SHCBP1: variants seen among roughly 807,000 people sequenced by gnomAD.
SHCBP1 encodes SHC binding and spindle associated 1.
In SHCBP1, 60 loss-of-function variants were observed where a neutral mutation model predicts 75.1. The observed-to-expected ratio is 0.80, with a 90% CI of 0.65 to 0.99. The LOEUF is 0.99. SHCBP1 is among the 50% of genes least tolerant of loss of function. The probability of loss-of-function intolerance (pLI) is 0.00; values close to 1 mark genes in which losing one functional copy is unlikely to be tolerated. For synonymous variants in SHCBP1, 290 were observed against 293.2 expected, an observed-to-expected ratio of 0.99 and a Z score of 0.11; for missense variants, 709 against 809.4, an observed-to-expected ratio of 0.88 and a Z score of 1.50.
intron 8 of SHCBP1, 22 bp downstream of exon 8, chr16:46,603,517 G>C: frequency 6.2e-7 from 1 of 1,613,840 alleles, no homozygotes. Flanking sequence ...TGAGAGTTTG[G>C]TTGTGTGTCT....
chr16:46,608,378 T>C lies in SHCBP1; in HGVS notation c.608A>G (p.Gln203Arg). Residue 203 changes from glutamine to arginine, a missense_variant, in exon 5 of 13, where the codon CAA becomes CGA. Gln to Arg is a conservative substitution (Grantham distance 43). Transcript: ENST00000303383. ...TTCATCCCAACTCCTCCAAATGTTT[T>C]GGTAGAAAAATCTGAAATGGAACTT... is the stretch of plus-strand genomic sequence containing the variant. ...LAIEHVRFFYQNIWRSWDEEE... is the reference protein window; with the variant it reads ...LAIEHVRFFYRNIWRSWDEEE... 1.2e-6 allele frequency: 2 copies of C among 1,613,004 alleles called. No individual in the cohort carries two copies. Among genetic ancestry groups the C allele is most frequent in the Non-Finnish European group, 1.7e-6 (2 of 1,179,248 alleles).
At position 46,621,287 on chromosome 16, in the gene SHCBP1, C is replaced by A. The variant is rs1397701103; in HGVS notation, c.73G>T (p.Val25Leu). 6.2e-7 allele frequency: 1 copy of A among 1,610,630 alleles called. No homozygotes were observed. Among genetic ancestry groups the A allele is most frequent in the Non-Finnish European group, 8.5e-7 (1 of 1,179,014 alleles). ...AMAPERMGWA[V>L]EQELASLEKG... The stretch of plus-strand genomic sequence containing the variant: ...TCCAGAGACGCCAGCTCCTGCTCCA[C>A]CGCCCAGCCCATGCGCTCCGGCGCC... Residue 25 changes from valine (V) to leucine (L), a missense_variant, in exon 1 of 13, where the codon GTG (valine) becomes TTG (leucine). Transcript: ENST00000303383.
intron 10 of SHCBP1, among the ~76,000 whole-genome samples, chr16:46,592,984 T>C (rs1169829665): frequency 2.8e-5 from 1 of 35,520 alleles, no homozygotes; most frequent in Admixed American, 2.9e-4. Context: ...AAAGCAGAAA[T>C]TCTTCAACTT....
chr16:46,599,255 CTA>C (rs1965190842), intron 9 of SHCBP1, among the ~76,000 whole-genome samples: 1 of 152,184 alleles, frequency 6.6e-6, no homozygotes, highest in African/African-American at 2.4e-5. Flanking sequence ...GCCTTCCTCA[CTA>C]TGTTAAACAT....
Position 46,604,258 on chromosome 16 carries a change from T to G in SHCBP1, c.893A>C (p.Lys298Thr), listed in dbSNP as rs1030134493. Residue 298 changes from lysine (K) to threonine (T), a missense_variant, in exon 6 of 13, where the codon AAG becomes ACG. Transcript: ENST00000303383. ...CAAAGGATTCTCAATGAGTTTCAGCTTTTGTTTCAACTGTTCCATCTCCGA... is the reference window on the plus strand; with the variant it reads ...CAAAGGATTCTCAATGAGTTTCAGCGTTTGTTTCAACTGTTCCATCTCCGA... ...LYSEMEQLKQKLKLIENPLLR... is the reference protein window; with the variant it reads ...LYSEMEQLKQTLKLIENPLLR... 6.2e-7 allele frequency: 1 copy of G among 1,614,132 alleles called. No individual in the cohort carries two copies. The highest frequency in any genetic ancestry group is 8.5e-7 in the Non-Finnish European group (1 of 1,180,052).
At chr16:46,615,287 A>G (rs1965476645) in intron 4 of SHCBP1, among the ~76,000 whole-genome samples, 1 of 152,168 alleles carries the variant, frequency 6.6e-6, no homozygotes, top group Non-Finnish European at 1.5e-5. Context: ...GTAAGTTATT[A>G]GTAGTTAAGT....
At chr16:46,595,754 A>G (rs551318039) in intron 9 of SHCBP1, 84 bp from the exon 10 acceptor site, 17 of 861,024 alleles carry the variant, frequency 2.0e-5, no homozygotes, top group Non-Finnish European at 2.7e-5. Context: ...GACATTAGCT[A>G]TGGTCTAAAT....
intron 1 of SHCBP1, among the ~76,000 whole-genome samples, chr16:46,620,147 G>C (rs1032517252): frequency 6.6e-6 from 1 of 152,032 alleles, no homozygotes; most frequent in African/African-American, 2.4e-5. Context: ...CCATCACCTC[G>C]CATAGTTACC....
chr16:46,586,928 G>A (rs1367292999), intron 10 of SHCBP1, among the ~76,000 whole-genome samples: 4 of 151,910 alleles, frequency 2.6e-5, no homozygotes, highest in Admixed American at 6.6e-5. Context: ...ACCAGCAGAC[G>A]TATCTTCATA....
chr16:46,584,230 G>C (rs1964919185), intron 10 of SHCBP1, 141 bp from the exon 11 acceptor site: 1 of 517,416 alleles, frequency 1.9e-6, no homozygotes. Context: ...AGTTTTACCA[G>C]CCATTTTTAA....
chr16:46,603,901 T>C (rs534914851), intron 7 of SHCBP1, 74 bp downstream of exon 7: 4 of 1,525,222 alleles, frequency 2.6e-6, no homozygotes, highest in African/African-American at 1.4e-5. Context: ...TGTAAATACT[T>C]TGTGGGATTT....
chr16:46,580,316 T>C lies in SHCBP1; in HGVS notation c.*1413A>G, dbSNP rs1964851092. Among the ~76,000 whole-genome samples, 1 of 152,138 alleles carries C rather than the reference T, an allele frequency of 6.6e-6. No homozygotes were observed. Among genetic ancestry groups the C allele is most frequent in the African/African-American group, 2.4e-5 (1 of 41,428 alleles). On this transcript the variant is annotated 3_prime_UTR_variant, in exon 13 of 13. Coordinates refer to ENST00000303383, the MANE Select transcript of SHCBP1 (RefSeq NM_024745.5). ...AGATTTTTTAAAAGTAAAAATACCT[T>C]TCAATGATCAAATAATAAATCTAAC... is the stretch of plus-strand genomic sequence containing the variant.
intron 10 of SHCBP1, chr16:46,584,362 ACT>A (rs1348099069): frequency 2.0e-5 from 5 of 252,750 alleles, no homozygotes; most frequent in African/African-American, 6.8e-5. Flanking sequence ...TTCTTGCTCT[ACT>A]CTCTTTCATT....
At chr16:46,599,790 A>C in intron 9 of SHCBP1, 41 bp downstream of exon 9, 1 of 1,538,736 alleles carries the variant, frequency 6.5e-7, no homozygotes, top group Non-Finnish European at 8.7e-7. Context: ...TTTACCTTCA[A>C]ATCTTAGAAC....
In SHCBP1 at chr16:46,616,790, TG is replaced by T. The variant is rs1239070695; in HGVS notation, c.388-637del. On this transcript the variant is annotated intron_variant, in intron 3 of 12. Transcript: ENST00000303383. The surrounding 1 kb of genome is among the most constrained non-coding windows in gnomAD (Gnocchi z 4.4). The stretch of plus-strand genomic sequence containing the variant: ...TCTGTTTTAAAACAATGACTTTCAT[TG>T]TTTTCGGAGAACTGATTGGCGGGGG... Among the ~76,000 whole-genome samples the T allele has an allele frequency of 6.6e-6, 1 of 152,202 alleles. No individual in the cohort carries two copies. Among genetic ancestry groups the T allele is most frequent in the Non-Finnish European group, 1.5e-5 (1 of 68,040 alleles).
At chr16:46,619,581 A>G (rs1165759181) in intron 1 of SHCBP1, among the ~76,000 whole-genome samples, 1 of 152,196 alleles carries the variant, frequency 6.6e-6, no homozygotes, top group Admixed American at 6.5e-5. Flanking sequence ...TTCAATTAAG[A>G]AGATTAATTG....
rs1218578305 is a variant in SHCBP1 at position 46,616,291 on chromosome 16, C to T, written c.388-137G>A. The T allele has an allele frequency of 3.3e-5, 26 of 791,378 alleles. No individual in the cohort carries two copies. The highest frequency in any genetic ancestry group is 5.1e-5 in the Non-Finnish European group (25 of 490,236). The allele number at this position is 791,378 out of a possible 1,614,324, so 49.0% of individuals were successfully genotyped here. ...CTTTACCCATAATATAAAGGATGAACAAGACAGGCTGCCTCTTACCCTCAT... is the reference window on the plus strand; with the variant it reads ...CTTTACCCATAATATAAAGGATGAATAAGACAGGCTGCCTCTTACCCTCAT... On this transcript the variant is annotated intron_variant, in intron 3 of 12. Coordinates refer to ENST00000303383, the MANE Select transcript of SHCBP1 (RefSeq NM_024745.5). This position sits in a 1 kb window ranked among gnomAD's most constrained non-coding sequence, Gnocchi z 4.4.
rs11389997 is a variant in SHCBP1, at chr16:46,605,964, G to GAA, written c.690-1505_690-1504dup. ...CGAAAGAAACTGAGTGAACAGCTGT[G>GAA]AAAAAAAAAGGGAAAAACAAAAAAA... On this transcript the variant is annotated intron_variant, in intron 5 of 12. Transcript: ENST00000303383. 5.3e-4 allele frequency among the ~76,000 whole-genome samples: 78 copies of GAA among 148,546 alleles called. 1 individual carries two copies. Among genetic ancestry groups the GAA allele is most frequent in the African/African-American group, 9.1e-4 (37 of 40,666 alleles).
intron 1 of SHCBP1, among the ~76,000 whole-genome samples, chr16:46,619,896 G>A (rs917637558): frequency 2.0e-5 from 3 of 152,048 alleles, no homozygotes; most frequent in Non-Finnish European, 4.4e-5. Flanking sequence ...TTAGCTGGGT[G>A]TGGTGGCGGG....
Sources: allele counts gnomAD v4.1 joint callset (sites outside exome capture counted in the v4.1 genomes callset), GRCh38; gene constraint gnomAD v4.1.1; non-coding constraint Gnocchi (gnomAD v3.1); transcripts MANE v1.5; gene names NCBI Gene and HGNC (gene_info 2026-07-23, HGNC 2026-07-21).